Variants in PDE4D observed in about 807,000 individuals in gnomAD.
PDE4D encodes 3',5'-cyclic-AMP phosphodiesterase 4D.
PDE4D carries 24 observed loss-of-function variants against 87.4 expected under a neutral mutation model. The ratio of observed to expected loss-of-function variants is 0.27; its 90% CI spans 0.20 to 0.39. PDE4D has a LOEUF of 0.39. PDE4D is among the 10% of genes least tolerant of loss of function. The pLI, the probability that PDE4D is intolerant of heterozygous loss-of-function variation, is 1.00. For synonymous variants in PDE4D, 384 were observed against 383.2 expected, an observed-to-expected ratio of 1.00 and a Z score of -0.02; for missense variants, 714 against 1,041.0, an observed-to-expected ratio of 0.69 and a Z score of 4.32.
At chr5:59,163,526 C>T (rs530848914) in intron 5 of PDE4D, among the ~76,000 whole-genome samples, 23 of 152,200 alleles carry the variant, frequency 1.5e-4, no homozygotes, top group Non-Finnish European at 1.5e-5. Flanking sequence ...CCCTCCTTGG[C>T]CTCCCAAAAT....
intron 1 of PDE4D, among the ~76,000 whole-genome samples, chr5:59,886,385 C>T (rs1211394703): frequency 6.6e-6 from 1 of 151,968 alleles, no homozygotes; most frequent in African/African-American, 2.4e-5. Context: ...GACATGGTGG[C>T]AGGCGCCTGT....
intron 1 of PDE4D, among the ~76,000 whole-genome samples, chr5:59,486,558 G>A (rs970823832): frequency 6.6e-6 from 1 of 152,044 alleles, no homozygotes; most frequent in African/African-American, 2.4e-5. Context: ...TTTTATTTCA[G>A]TTAACTATCA....
chr5:59,340,720 AC>A (rs1270777518), intron 1 of PDE4D, among the ~76,000 whole-genome samples: 1 of 151,842 alleles, frequency 6.6e-6, no homozygotes, highest in Admixed American at 6.6e-5. Context: ...CCATCTTTCC[AC>A]TCTATCTCCA....
chr5:59,839,209 G>C (rs1742600773), intron 1 of PDE4D, among the ~76,000 whole-genome samples: 1 of 151,604 alleles, frequency 6.6e-6, no homozygotes, highest in South Asian at 2.1e-4. Context: ...GTGGTCACTG[G>C]AGTTCTCAGC....
chr5:60,481,318 A>G (rs919786722), intron 1 of PDE4D, among the ~76,000 whole-genome samples: 1 of 152,146 alleles, frequency 6.6e-6, no homozygotes, highest in East Asian at 1.9e-4. Context: ...GATTTTTTAA[A>G]TAGAATAATC....
intron 1 of PDE4D, among the ~76,000 whole-genome samples, chr5:59,317,428 A>C (rs1233330301): frequency 6.6e-6 from 1 of 152,170 alleles, no homozygotes; most frequent in African/African-American, 2.4e-5. Flanking sequence ...GTAACCAGGC[A>C]GGACACCAGC....
intron 1 of PDE4D, among the ~76,000 whole-genome samples, chr5:59,615,382 C>T (rs549882885): frequency 1.3e-5 from 2 of 152,244 alleles, no homozygotes; most frequent in South Asian, 4.1e-4. Context: ...TTTAAGGATT[C>T]TTAGCCATTC....
At chr5:59,309,960 G>A (rs574335166) in intron 1 of PDE4D, among the ~76,000 whole-genome samples, 17 of 152,276 alleles carry the variant, frequency 1.1e-4, no homozygotes, top group East Asian at 3.9e-4. Flanking sequence ...CTCTGCTTAC[G>A]TGAGGTCTTC....
intron 1 of PDE4D, among the ~76,000 whole-genome samples, chr5:60,287,759 T>C (rs1388672511): frequency 1.3e-5 from 2 of 152,224 alleles, no homozygotes; most frequent in Non-Finnish European, 2.9e-5. Context: ...TCCCTAAAAC[T>C]TCTAAAACTT....
chr5:59,434,375 C>G (rs73097314), intron 1 of PDE4D, among the ~76,000 whole-genome samples: 3 of 151,902 alleles, frequency 2.0e-5, no homozygotes, highest in South Asian at 4.2e-4. Context: ...ATTGACTGAA[C>G]GATTTCCCCT....
intron 1 of PDE4D, among the ~76,000 whole-genome samples, chr5:60,444,543 G>A (rs1347424813): frequency 6.6e-6 from 1 of 152,110 alleles, no homozygotes; most frequent in Non-Finnish European, 1.5e-5. Context: ...TGCTTAAGGG[G>A]ATCAGACAAA....
intron 1 of PDE4D, among the ~76,000 whole-genome samples, chr5:59,369,034 C>G (rs1376340527): frequency 6.6e-6 from 1 of 152,216 alleles, no homozygotes; most frequent in East Asian, 1.9e-4. Context: ...AAACGATGTG[C>G]TTTCTATGTA....
intron 1 of PDE4D, among the ~76,000 whole-genome samples, chr5:59,301,190 C>T (rs1770175929): frequency 6.6e-6 from 1 of 151,938 alleles, no homozygotes; most frequent in Non-Finnish European, 1.5e-5. Context: ...TCTTAAAAGC[C>T]ACAATCAGAA....
At chr5:59,990,728 C>A (rs572917690) in intron 2 of PDE4D, among the ~76,000 whole-genome samples, 66 of 152,136 alleles carry the variant, frequency 4.3e-4, no homozygotes, top group Non-Finnish European at 6.8e-4. Flanking sequence ...TACTAAAATC[C>A]TATGAGTTAC....
intron 1 of PDE4D, among the ~76,000 whole-genome samples, chr5:59,751,574 GGTGT>G (rs57407769): frequency 0.062 from 8,874 of 142,668 alleles, 337 homozygotes; most frequent in African/African-American, 0.11. Flanking sequence ...ATAAATCCCT[GGTGT>G]GTGTGTGTGT....
At chr5:59,979,177 G>A (rs1361850680) in intron 3 of PDE4D, among the ~76,000 whole-genome samples, 2 of 151,952 alleles carry the variant, frequency 1.3e-5, no homozygotes, top group Non-Finnish European at 2.9e-5. Context: ...GGAGAAATAA[G>A]AAAGCCAAAA....
chr5:60,493,725 C>T (rs889697766), intron 1 of PDE4D, among the ~76,000 whole-genome samples: 6 of 152,166 alleles, frequency 3.9e-5, no homozygotes, highest in Non-Finnish European at 7.3e-5. Flanking sequence ...CCCAGGCTCA[C>T]ACACAGAGCC....
intron 1 of PDE4D, among the ~76,000 whole-genome samples, chr5:59,748,812 C>T (rs1561587485): frequency 6.6e-6 from 1 of 151,816 alleles, no homozygotes; most frequent in Non-Finnish European, 1.5e-5. Flanking sequence ...AAAACAACAA[C>T]AAAAAAAAGA....
chr5:60,273,731 A>G (rs571807808), intron 1 of PDE4D, among the ~76,000 whole-genome samples: 1 of 152,272 alleles, frequency 6.6e-6, no homozygotes, highest in East Asian at 1.9e-4. Context: ...GGGAAGGAGA[A>G]TCAAAAATGC....
Sources: allele counts gnomAD v4.1 joint callset (sites outside exome capture counted in the v4.1 genomes callset), GRCh38; gene constraint gnomAD v4.1.1; transcripts MANE v1.5; gene names NCBI Gene and HGNC (gene_info 2026-07-23, HGNC 2026-07-21).